The following SLC35D4 variants were observed in gnomAD, a reference collection of about 807,000 sequenced individuals.
The protein encoded by SLC35D4 is UDP-N-acetylglucosamine transporter SLC35D4.
chr18:23,240,978 C>T, the SLC35D4 span, among the ~76,000 whole-genome samples: 1 of 152,208 alleles, frequency 6.6e-6, no homozygotes, highest in African/African-American at 2.4e-5. Context: ...ATTCTGTAAC[C>T]ACTGCTCTGA....
At chr18:23,434,454 A>G in the SLC35D4 span, among the ~76,000 whole-genome samples, 143,013 of 152,282 alleles carry the variant, frequency 0.94, 67,213 homozygotes, top group African/African-American at 0.95. Flanking sequence ...CATCTAATAC[A>G]TAGATGCATT....
the SLC35D4 span, among the ~76,000 whole-genome samples, chr18:23,347,579 C>T: frequency 6.6e-6 from 1 of 152,078 alleles, no homozygotes; most frequent in Non-Finnish European, 1.5e-5. Flanking sequence ...ACACCATGTT[C>T]AGCTAATCAT....
At chr18:23,331,961 C>T in the SLC35D4 span, among the ~76,000 whole-genome samples, 3,642 of 144,034 alleles carry the variant, frequency 0.025, 48 homozygotes, top group Middle Eastern at 0.066. Flanking sequence ...TCATAACTCA[C>T]GGCAGTCTTG....
the SLC35D4 span, among the ~76,000 whole-genome samples, chr18:23,354,701 C>G: frequency 6.6e-6 from 1 of 152,188 alleles, no homozygotes; most frequent in Non-Finnish European, 1.5e-5. Context: ...TCCCTCTCCT[C>G]TATGCCTCTA....
At chr18:23,345,481 C>CAA in the SLC35D4 span, among the ~76,000 whole-genome samples, 13,330 of 56,684 alleles carry the variant, frequency 0.24, 2,959 homozygotes, top group Non-Finnish European at 0.32. Context: ...GACTCCATCT[C>CAA]AAAAAAAAAA....
At chr18:23,254,028 A>G in the SLC35D4 span, 5 of 1,063,416 alleles carry the variant, frequency 4.7e-6, no homozygotes, top group Admixed American at 1.8e-5. Flanking sequence ...CCTGCCTGGA[A>G]GGATTCTGAT....
chr18:23,302,773 C>T, the SLC35D4 span, among the ~76,000 whole-genome samples: 2 of 152,204 alleles, frequency 1.3e-5, no homozygotes, highest in Non-Finnish European at 2.9e-5. Context: ...CTCAGCCAGC[C>T]AGGGTGGTGG....
chr18:23,314,017 G>A, the SLC35D4 span, among the ~76,000 whole-genome samples: 1 of 152,214 alleles, frequency 6.6e-6, no homozygotes, highest in Non-Finnish European at 1.5e-5. Flanking sequence ...ACTCTCCACT[G>A]AGTACTGACC....
At chr18:23,262,184 A>G in the SLC35D4 span, among the ~76,000 whole-genome samples, 3 of 152,212 alleles carry the variant, frequency 2.0e-5, no homozygotes, top group South Asian at 6.2e-4. Flanking sequence ...GGTTGTTTTG[A>G]CATGTGTTTA....
the SLC35D4 span, among the ~76,000 whole-genome samples, chr18:23,248,041 C>A: frequency 6.6e-6 from 1 of 152,246 alleles, no homozygotes; most frequent in African/African-American, 2.4e-5. Flanking sequence ...GACAAGGCTG[C>A]TTGTAAAAAA....
the SLC35D4 span, among the ~76,000 whole-genome samples, chr18:23,271,656 A>C: frequency 1.3e-5 from 2 of 152,136 alleles, no homozygotes; most frequent in Non-Finnish European, 2.9e-5. Context: ...GTGGGTCTCT[A>C]GATAGCTTCA....
At chr18:23,267,868 C>T in the SLC35D4 span, among the ~76,000 whole-genome samples, 1 of 152,238 alleles carries the variant, frequency 6.6e-6, no homozygotes, top group Non-Finnish European at 1.5e-5. Context: ...GTGCACTGAA[C>T]AGAGTCCCCC....
chr18:23,362,617 A>C, the SLC35D4 span, among the ~76,000 whole-genome samples: 2 of 152,064 alleles, frequency 1.3e-5, no homozygotes, highest in African/African-American at 2.4e-5. Flanking sequence ...AAACAAACAA[A>C]AAACAAAAAA....
chr18:23,378,386 A>G, the SLC35D4 span, among the ~76,000 whole-genome samples: 1 of 152,230 alleles, frequency 6.6e-6, no homozygotes, highest in Non-Finnish European at 1.5e-5. Flanking sequence ...TCACTAATCC[A>G]GCTGACTCAG....
the SLC35D4 span, among the ~76,000 whole-genome samples, chr18:23,266,876 C>G: frequency 1.3e-5 from 2 of 152,252 alleles, no homozygotes; most frequent in Non-Finnish European, 2.9e-5. Context: ...CTCTCCTCCC[C>G]CAGAGAGGCT....
the SLC35D4 span, among the ~76,000 whole-genome samples, chr18:23,287,286 C>G: frequency 6.6e-6 from 1 of 152,006 alleles, no homozygotes; most frequent in African/African-American, 2.4e-5. Context: ...ATCCATTATT[C>G]TGTTCTGGAT....
At chr18:23,289,035 A>G in the SLC35D4 span, among the ~76,000 whole-genome samples, 1 of 152,192 alleles carries the variant, frequency 6.6e-6, no homozygotes, top group South Asian at 2.1e-4. Context: ...ATTAGGCCCC[A>G]GTCTCATCCC....
At chr18:23,315,648 T>G in the SLC35D4 span, among the ~76,000 whole-genome samples, 1 of 152,236 alleles carries the variant, frequency 6.6e-6, no homozygotes, top group Non-Finnish European at 1.5e-5. Context: ...TTGGGAAAAC[T>G]GGAACCAAGG....
chr18:23,247,519 T>C, the SLC35D4 span, among the ~76,000 whole-genome samples: 1 of 152,208 alleles, frequency 6.6e-6, no homozygotes, highest in Non-Finnish European at 1.5e-5. Flanking sequence ...GTGTATCCCA[T>C]GCAGCTGAGC....
Sources: allele counts gnomAD v4.1 joint callset (sites outside exome capture counted in the v4.1 genomes callset), GRCh38; gene constraint gnomAD v4.1.1; transcripts MANE v1.5; gene names NCBI Gene and HGNC (gene_info 2026-07-23, HGNC 2026-07-21).